The following NDUFAF6 variants were observed in gnomAD, a reference collection of about 807,000 sequenced individuals.
NDUFAF6 encodes the protein NADH:ubiquinone oxidoreductase complex assembly factor 6, also known as NADH dehydrogenase (ubiquinone) complex I, assembly factor 6.
Under a neutral mutation model 40.8 loss-of-function variants are expected in NDUFAF6, and 45 were observed. The ratio of observed to expected loss-of-function variants is 1.10; its 90% CI spans 0.87 to 1.42. The LOEUF (loss-of-function observed/expected upper bound fraction) is 1.42. NDUFAF6 is among the 40% of genes most tolerant of loss of function. NDUFAF6 has a pLI of 0.00. For synonymous variants in NDUFAF6, 185 were observed against 155.9 expected (o/e 1.19, Z -1.39); for missense variants, 435 against 418.5 (o/e 1.04, Z -0.34).
At chr8:94,898,714 G>A (rs1817825294) in intron 1 of NDUFAF6, among the ~76,000 whole-genome samples, 1 of 152,100 alleles carries the variant, frequency 6.6e-6, no homozygotes, top group Admixed American at 6.5e-5. Context: ...CTTTTTTAGG[G>A]TGAAGTATCT....
At chr8:95,052,470 A>C (rs1403819161) in intron 8 of NDUFAF6, among the ~76,000 whole-genome samples, 1 of 152,160 alleles carries the variant, frequency 6.6e-6, no homozygotes, top group Non-Finnish European at 1.5e-5. Flanking sequence ...ATTGGCTTGA[A>C]TCTGTTTTGC....
intron 2 of NDUFAF6, among the ~76,000 whole-genome samples, chr8:95,086,867 T>C (rs1051661987): frequency 6.6e-6 from 1 of 152,066 alleles, no homozygotes; most frequent in African/African-American, 2.4e-5. Flanking sequence ...CCCCCCAAAG[T>C]GCTGGGATTA....
At chr8:95,113,031 C>T (rs1810039408) in intron 4 of NDUFAF6, among the ~76,000 whole-genome samples, 2 of 152,190 alleles carry the variant, frequency 1.3e-5, no homozygotes, top group Non-Finnish European at 1.5e-5. Context: ...TATACCAGGG[C>T]CTGTGCTGAG....
chr8:95,095,517 C>T (rs1254155819), upstream of NDUFAF6, among the ~76,000 whole-genome samples: 2 of 152,078 alleles, frequency 1.3e-5, no homozygotes, highest in African/African-American at 2.4e-5. Flanking sequence ...AGGTCTGTCC[C>T]CCAAGACTTT....
At chr8:95,087,377 C>T (rs905258483) in intron 2 of NDUFAF6, among the ~76,000 whole-genome samples, 15 of 152,216 alleles carry the variant, frequency 9.9e-5, no homozygotes, top group Non-Finnish European at 2.1e-4. Flanking sequence ...GAGTAAGAGG[C>T]TCTGTTTCGT....
intron 1 of NDUFAF6, among the ~76,000 whole-genome samples, chr8:94,967,957 A>AGT (rs1824152921): frequency 6.7e-6 from 1 of 149,618 alleles, no homozygotes; most frequent in African/African-American, 2.5e-5. Flanking sequence ...AAAAAAAAAA[A>AGT]GTCAGCTGGG....
At chr8:94,972,382 C>T (rs749883079) in intron 1 of NDUFAF6, among the ~76,000 whole-genome samples, 1 of 152,118 alleles carries the variant, frequency 6.6e-6, no homozygotes, top group East Asian at 1.9e-4. Flanking sequence ...GCTGGGATTA[C>T]AGGCGTGCGC....
chr8:94,918,631 C>A (rs554443756), intron 1 of NDUFAF6, among the ~76,000 whole-genome samples: 1 of 152,288 alleles, frequency 6.6e-6, no homozygotes, highest in Admixed American at 6.5e-5. Flanking sequence ...GAGAGCACCC[C>A]GCATGGGGAT....
intron 1 of NDUFAF6, among the ~76,000 whole-genome samples, chr8:94,913,895 G>A (rs1216969749): frequency 1.3e-5 from 2 of 152,096 alleles, no homozygotes; most frequent in African/African-American, 2.4e-5. Context: ...GAGCTTAAGC[G>A]ATTCTCCTGC....
chr8:94,908,031 G>A (rs1315985692), intron 1 of NDUFAF6, among the ~76,000 whole-genome samples: 2 of 152,098 alleles, frequency 1.3e-5, no homozygotes, highest in African/African-American at 4.8e-5. Flanking sequence ...TATTTCCCTT[G>A]TGTGTGCCTT....
At chr8:95,088,727 GTTTTCTT>G (rs138874713) in intron 2 of NDUFAF6, among the ~76,000 whole-genome samples, 8,389 of 109,048 alleles carry the variant, frequency 0.077, 257 homozygotes, top group East Asian at 0.18. Flanking sequence ...GTGTGTGTGT[GTTTTCTT>G]TTTGTTTTCT....
chr8:94,952,854 C>T (rs494297), intron 2 of NDUFAF6, among the ~76,000 whole-genome samples: 126,815 of 152,224 alleles, frequency 0.83, 54,612 homozygotes, highest in Non-Finnish European at 0.93. Context: ...GCTGAGGCAG[C>T]AGAAAGGAAA....
chr8:95,035,938 T>G (rs1829452480), intron 3 of NDUFAF6, among the ~76,000 whole-genome samples: 3 of 152,236 alleles, frequency 2.0e-5, no homozygotes, highest in Non-Finnish European at 4.4e-5. Flanking sequence ...TACCAGTGTT[T>G]TAATCCAGGT....
upstream of NDUFAF6, among the ~76,000 whole-genome samples, chr8:95,096,584 A>T (rs918750887): frequency 6.6e-6 from 1 of 152,206 alleles, no homozygotes; most frequent in African/African-American, 2.4e-5. Flanking sequence ...TTCTCATTTT[A>T]TGGATGTAAA....
chr8:95,013,651 G>A (rs1015627178), intron 2 of NDUFAF6, among the ~76,000 whole-genome samples: 3 of 152,192 alleles, frequency 2.0e-5, no homozygotes, highest in Non-Finnish European at 4.4e-5. Context: ...ACATCCATAT[G>A]TTCGTGGAAC....
chr8:95,010,095 A>C (rs1827167023), intron 2 of NDUFAF6, among the ~76,000 whole-genome samples: 1 of 151,884 alleles, frequency 6.6e-6, no homozygotes, highest in African/African-American at 2.4e-5. Context: ...GCTTAGTTGT[A>C]CTTTTTTTTT....
chr8:95,104,695 A>C (rs1809764349), downstream of NDUFAF6, among the ~76,000 whole-genome samples: 1 of 152,008 alleles, frequency 6.6e-6, no homozygotes, highest in Non-Finnish European at 1.5e-5. Context: ...AACACACTCC[A>C]TTGTGTGTGC....
intron 1 of NDUFAF6, among the ~76,000 whole-genome samples, chr8:94,902,557 C>G (rs1472836397): frequency 1.3e-5 from 2 of 152,024 alleles, no homozygotes; most frequent in African/African-American, 4.8e-5. Flanking sequence ...TGTATCAGTA[C>G]TTTGCTCCTT....
At chr8:94,965,643 A>T (rs1218243853) in intron 1 of NDUFAF6, among the ~76,000 whole-genome samples, 2 of 152,230 alleles carry the variant, frequency 1.3e-5, no homozygotes, top group South Asian at 2.1e-4. Context: ...GTTCTGGGAT[A>T]AAAACTCAAC....
Sources: allele counts gnomAD v4.1 joint callset (sites outside exome capture counted in the v4.1 genomes callset), GRCh38; gene constraint gnomAD v4.1.1; transcripts MANE v1.5; gene names NCBI Gene and HGNC (gene_info 2026-07-23, HGNC 2026-07-21).